Variants in L3MBTL4 observed in about 807,000 individuals in gnomAD.
The protein encoded by L3MBTL4 is lethal(3)malignant brain tumor-like protein 4.
Under a neutral mutation model 84.5 loss-of-function variants are expected in L3MBTL4, and 70 were observed. That is an observed-to-expected ratio of 0.83 (90% CI 0.68 to 1.01). The LOEUF (loss-of-function observed/expected upper bound fraction) is 1.01. L3MBTL4 is among the 50% of genes least tolerant of loss of function. The pLI, the probability that L3MBTL4 is intolerant of heterozygous loss-of-function variation, is 0.00. For missense variants in L3MBTL4, 715 were observed against 754.8 expected, an observed-to-expected ratio of 0.95 and a Z score of 0.62; for synonymous variants, 274 against 259.8, an observed-to-expected ratio of 1.05 and a Z score of -0.52.
At chr18:6,215,368 T>C (rs1255482499) in intron 11 of L3MBTL4, among the ~76,000 whole-genome samples, 1 of 152,234 alleles carries the variant, frequency 6.6e-6, no homozygotes, top group Non-Finnish European at 1.5e-5. Context: ...GGCTATGCAT[T>C]CAACAATTTT....
chr18:6,184,711 G>A (rs1320277829), intron 12 of L3MBTL4, among the ~76,000 whole-genome samples: 2 of 152,168 alleles, frequency 1.3e-5, no homozygotes, highest in Non-Finnish European at 2.9e-5. Flanking sequence ...TTATGATCCA[G>A]CCATATTGAG....
intron 12 of L3MBTL4, among the ~76,000 whole-genome samples, chr18:6,174,197 A>G (rs2044114797): frequency 6.6e-6 from 1 of 152,152 alleles, no homozygotes; most frequent in Non-Finnish European, 1.5e-5. Flanking sequence ...TACATATAAC[A>G]TACAAAAGTT....
At chr18:6,143,243 C>A (rs1007852988) in intron 13 of L3MBTL4, among the ~76,000 whole-genome samples, 23 of 152,168 alleles carry the variant, frequency 1.5e-4, no homozygotes, top group Admixed American at 1.0e-3. Flanking sequence ...GCATATTTAT[C>A]TCCATATCCC....
chr18:6,015,051 G>C (rs2054902472), intron 16 of L3MBTL4, among the ~76,000 whole-genome samples: 1 of 152,032 alleles, frequency 6.6e-6, no homozygotes. Flanking sequence ...GAGGAAAGAT[G>C]ATGAGGGAAG....
intron 1 of L3MBTL4, among the ~76,000 whole-genome samples, chr18:6,345,667 T>C (rs1373799138): frequency 2.0e-5 from 3 of 152,144 alleles, no homozygotes; most frequent in Non-Finnish European, 4.4e-5. Context: ...ATGAAAGATA[T>C]TAAAGTAGAC....
At chr18:6,177,550 A>AT (rs1718947379) in intron 12 of L3MBTL4, among the ~76,000 whole-genome samples, 1 of 152,182 alleles carries the variant, frequency 6.6e-6, no homozygotes, top group Non-Finnish European at 1.5e-5. Context: ...TATATTATAC[A>AT]TTTTTCAACA....
chr18:6,095,378 C>T (rs1480818707), intron 14 of L3MBTL4, among the ~76,000 whole-genome samples: 9 of 128,136 alleles, frequency 7.0e-5, no homozygotes, highest in African/African-American at 1.0e-4. Context: ...GATGGAGTCT[C>T]GCTCCGTCGC....
In L3MBTL4 at chr18:6,141,033, A is replaced by G. The variant is rs1314430445; in HGVS notation, c.1097-2737T>C. ...CTAGACTATGAGTGCCTCTGAAAGG[A>G]AGAACTATGGAATACTCACCTATTC... On this transcript the variant is annotated intron_variant, in intron 13 of 18. Coordinates refer to ENST00000317931, the MANE Select transcript of L3MBTL4 (RefSeq NM_001330559.2). 2.0e-5 allele frequency among the ~76,000 whole-genome samples: 3 copies of G among 150,400 alleles called. No individual in the cohort carries two copies. The East Asian group carries it at 5.9e-4, about 30-fold the overall frequency.
chr18:6,340,147 A>T (rs905539905), intron 1 of L3MBTL4, among the ~76,000 whole-genome samples: 8 of 152,196 alleles, frequency 5.3e-5, no homozygotes, highest in Admixed American at 5.2e-4. Context: ...CATCTTTTTT[A>T]AAAATCCTTT....
chr18:6,119,077 G>A (rs1158900916), intron 14 of L3MBTL4, among the ~76,000 whole-genome samples: 4 of 131,666 alleles, frequency 3.0e-5, no homozygotes, highest in African/African-American at 8.9e-5. Flanking sequence ...GTCCACCTCT[G>A]CTGGGTGGCT....
chr18:6,383,954 T>C (rs768548589), intron 1 of L3MBTL4, among the ~76,000 whole-genome samples: 1 of 152,204 alleles, frequency 6.6e-6, no homozygotes, highest in Non-Finnish European at 1.5e-5. Context: ...GTGTGCCTTT[T>C]TATCCTTGGA....
At chr18:6,173,004 G>A (rs1394377088) in intron 12 of L3MBTL4, among the ~76,000 whole-genome samples, 2 of 152,074 alleles carry the variant, frequency 1.3e-5, no homozygotes, top group Non-Finnish European at 2.9e-5. Flanking sequence ...CAGCATCACC[G>A]ACCTAGGCAC....
At chr18:6,169,395 C>T (rs938799294) in intron 13 of L3MBTL4, among the ~76,000 whole-genome samples, 1 of 152,120 alleles carries the variant, frequency 6.6e-6, no homozygotes, top group Non-Finnish European at 1.5e-5. Flanking sequence ...TTTATTGCGG[C>T]ACTATTCACA....
chr18:6,323,390 TC>T lies in L3MBTL4; in HGVS notation c.-90-11335del, dbSNP rs547936319. 2.2e-4 allele frequency among the ~76,000 whole-genome samples: 34 copies of T among 152,314 alleles called. 1 individual carries two copies. Among genetic ancestry groups the T allele is most frequent in the Admixed American group, 1.5e-3 (23 of 15,312 alleles). ...AGAAGATGAAGGAAAGTTTGGAACT[TC>T]CTAGAGACTTCTTGAATGGTTGTGA... On this transcript the variant is annotated intron_variant, in intron 1 of 18. Coordinates refer to ENST00000317931, the MANE Select transcript of L3MBTL4 (RefSeq NM_001330559.2).
intron 16 of L3MBTL4, among the ~76,000 whole-genome samples, chr18:6,049,028 G>A (rs2056744024): frequency 6.6e-6 from 1 of 152,092 alleles, no homozygotes; most frequent in Non-Finnish European, 1.5e-5. Context: ...GTTCACACAT[G>A]TAATTCCAGC....
intron 4 of L3MBTL4, among the ~76,000 whole-genome samples, chr18:6,267,918 G>A (rs1283452703): frequency 6.6e-6 from 1 of 152,080 alleles, no homozygotes; most frequent in Non-Finnish European, 1.5e-5. Context: ...GGTCCTCCCT[G>A]GTCACTGAAT....
intron 14 of L3MBTL4, among the ~76,000 whole-genome samples, chr18:6,125,593 T>C (rs938822076): frequency 3.9e-5 from 6 of 152,062 alleles, no homozygotes; most frequent in African/African-American, 1.4e-4. Context: ...CACACCCCAC[T>C]AATGTCATGT....
chr18:6,295,346 C>CTATATATATATATA (rs71163269), intron 4 of L3MBTL4, among the ~76,000 whole-genome samples: 5 of 81,380 alleles, frequency 6.1e-5, no homozygotes, highest in East Asian at 4.0e-4. Context: ...CTCTCTCTCT[C>CTATATATATATATA]TATATATATA....
chr18:6,409,862 C>T (rs1179670930), intron 1 of L3MBTL4, among the ~76,000 whole-genome samples: 1 of 152,158 alleles, frequency 6.6e-6, no homozygotes, highest in Non-Finnish European at 1.5e-5. Flanking sequence ...CCCCAGTCTT[C>T]CCCATCTCCA....
Sources: gnomAD v4.1 joint callset for allele counts (sites outside exome capture counted in the v4.1 genomes callset) on GRCh38, gnomAD v4.1.1 for gene constraint, MANE v1.5 for transcripts, NCBI Gene and HGNC (gene_info 2026-07-23, HGNC 2026-07-21) for gene names.